Variants in RHBDD1 observed in about 807,000 individuals in gnomAD.
The protein encoded by RHBDD1 is rhomboid-related protein 4.
In RHBDD1, 38 loss-of-function variants were observed where a neutral mutation model predicts 36.3. The ratio of observed to expected loss-of-function variants is 1.05; its 90% CI spans 0.81 to 1.37. The LOEUF is 1.37. Ranked by LOEUF, RHBDD1 falls within the 40% of genes most tolerant of loss-of-function variation. The pLI, the probability that RHBDD1 is intolerant of heterozygous loss-of-function variation, is 0.00. For synonymous variants in RHBDD1, 151 were observed against 136.5 expected, an observed-to-expected ratio of 1.11 and a Z score of -0.74; for missense variants, 393 against 377.6, an observed-to-expected ratio of 1.04 and a Z score of -0.34.
At chr2:226,994,750 GCTTT>G (rs1184146354) in intron 8 of RHBDD1, among the ~76,000 whole-genome samples, 4 of 152,130 alleles carry the variant, frequency 2.6e-5, no homozygotes, top group Non-Finnish European at 5.9e-5. Context: ...CTGGGAGAAT[GCTTT>G]CTTATGTAGT....
intron 7 of RHBDD1, among the ~76,000 whole-genome samples, chr2:226,909,134 A>G (rs1223928354): frequency 6.6e-6 from 1 of 152,096 alleles, no homozygotes; most frequent in Non-Finnish European, 1.5e-5. Context: ...GAGGTCTCTC[A>G]TGTGTGATAA....
Position 226,867,605 on chromosome 2 carries a change from G to A in RHBDD1, c.566+287G>A, listed in dbSNP as rs919087875. On this transcript the variant is annotated intron_variant, in intron 5 of 8. Transcript: ENST00000392062. ...CTGATCTGAGGATCAATATTAACCA[G>A]CCAATCAGCTGGTTAATTCTGAAAG... 1.0e-5 allele frequency: 10 copies of A among 985,062 alleles called. No homozygotes were observed. The African/African-American group carries it at 1.6e-4, about 16-fold the overall frequency. The allele number at this position is 985,062 out of a possible 1,614,324, so 61.0% of individuals were successfully genotyped here. A position where few individuals can be genotyped will look rare whatever the true frequency, so the allele number is the denominator to read the frequency against.
At chr2:226,882,848 C>G (rs1224495946) in intron 5 of RHBDD1, among the ~76,000 whole-genome samples, 1 of 152,100 alleles carries the variant, frequency 6.6e-6, no homozygotes, top group African/African-American at 2.4e-5. Flanking sequence ...ATCAGGTTGC[C>G]ATCATGGTTG....
At chr2:226,841,711 G>A (rs969216765) in intron 3 of RHBDD1, among the ~76,000 whole-genome samples, 4 of 152,118 alleles carry the variant, frequency 2.6e-5, no homozygotes, top group Non-Finnish European at 4.4e-5. Flanking sequence ...GGGCATTTAG[G>A]TCAATTCCAT....
At chr2:226,962,919 T>C (rs1230843466) in intron 8 of RHBDD1, among the ~76,000 whole-genome samples, 9 of 152,194 alleles carry the variant, frequency 5.9e-5, no homozygotes, top group Non-Finnish European at 5.9e-5. Context: ...CTTTTTCAAG[T>C]GCTTTTGTTC....
intron 8 of RHBDD1, chr2:226,935,108 A>C (rs1455269406): frequency 6.6e-6 from 1 of 152,124 alleles, no homozygotes; most frequent in Non-Finnish European, 1.5e-5. Flanking sequence ...TGCACTACAC[A>C]GTTGAGGTTG....
rs140105330 is a variant in RHBDD1 at position 226,865,609 on chromosome 2, G to A, written c.433+483G>A. ...GGAAAACAGGAGCCTAGGATTCATC[G>A]TGAGCCCATCTTCAAGGCTCAAAAA... On this transcript the variant is annotated intron_variant, in intron 4 of 8. Transcript: ENST00000392062. Among the ~76,000 whole-genome samples, 58 of 152,272 alleles carry A rather than the reference G, an allele frequency of 3.8e-4. No individual in the cohort carries two copies. The East Asian group carries it at 8.5e-3, about 22-fold the overall frequency.
At chr2:226,858,060 C>G (rs545670490) in intron 3 of RHBDD1, among the ~76,000 whole-genome samples, 1 of 152,080 alleles carries the variant, frequency 6.6e-6, no homozygotes, top group Admixed American at 6.6e-5. Flanking sequence ...TTTTCACACA[C>G]AAAAAATTAC....
the RHBDD1 span, among the ~76,000 whole-genome samples, chr2:226,802,495 T>A: frequency 1.3e-5 from 2 of 152,236 alleles, no homozygotes; most frequent in Non-Finnish European, 2.9e-5. Flanking sequence ...ATTTGGTTCA[T>A]GTAATATATA....
chr2:226,835,411 A>G (rs997786205), upstream of RHBDD1, among the ~76,000 whole-genome samples: 1 of 152,254 alleles, frequency 6.6e-6, no homozygotes, highest in African/African-American at 2.4e-5. Context: ...TGCGTGGTGC[A>G]GTCCCAGACC....
chr2:226,881,376 G>A (rs1945718752), intron 5 of RHBDD1, among the ~76,000 whole-genome samples: 1 of 152,204 alleles, frequency 6.6e-6, no homozygotes. Context: ...GTATGCAACT[G>A]TATTTTCAAT....
intron 1 of RHBDD1, 85 bp downstream of exon 1, chr2:226,836,172 G>C (rs776664598): frequency 2.0e-5 from 3 of 153,478 alleles, no homozygotes; most frequent in Non-Finnish European, 2.9e-5. Flanking sequence ...GCGGGAGCTG[G>C]CGGCCGGGCT....
At chr2:226,855,658 T>C (rs540309481) in intron 3 of RHBDD1, among the ~76,000 whole-genome samples, 1 of 152,336 alleles carries the variant, frequency 6.6e-6, no homozygotes, top group African/African-American at 2.4e-5. Context: ...AGAACCATTG[T>C]ATTAAAGGTC....
chr2:226,899,394 A>T (rs982579023), intron 5 of RHBDD1, among the ~76,000 whole-genome samples: 3 of 151,854 alleles, frequency 2.0e-5, no homozygotes, highest in African/African-American at 7.3e-5. Context: ...TTTTATTAAA[A>T]TTTTTTTCTG....
chr2:226,991,111 T>C (rs551854685), intron 8 of RHBDD1, among the ~76,000 whole-genome samples: 1 of 152,374 alleles, frequency 6.6e-6, no homozygotes, highest in African/African-American at 2.4e-5. Flanking sequence ...CAACACTTTG[T>C]ACAAAACACT....
the RHBDD1 span, among the ~76,000 whole-genome samples, chr2:226,827,545 T>C: frequency 1.3e-5 from 2 of 152,236 alleles, no homozygotes; most frequent in African/African-American, 4.8e-5. Flanking sequence ...GTTTTGTTTT[T>C]GTTTGGCCTG....
chr2:226,814,562 T>C, the RHBDD1 span, among the ~76,000 whole-genome samples: 1 of 152,124 alleles, frequency 6.6e-6, no homozygotes, highest in South Asian at 2.1e-4. Context: ...GGAGTCTGTT[T>C]CAATAGACCA....
chr2:226,907,149 G>T (rs115463727), intron 6 of RHBDD1: 13 of 508,730 alleles, frequency 2.6e-5, no homozygotes, highest in Non-Finnish European at 4.3e-5. Flanking sequence ...AATGCTACCC[G>T]CAGAAAACCA....
the RHBDD1 span, among the ~76,000 whole-genome samples, chr2:226,812,154 G>A: frequency 1.3e-5 from 2 of 152,244 alleles, no homozygotes; most frequent in Non-Finnish European, 2.9e-5. Flanking sequence ...TTGAGAAGGG[G>A]AATTCTAGGC....
Sources: allele counts gnomAD v4.1 joint callset (sites outside exome capture counted in the v4.1 genomes callset), GRCh38; gene constraint gnomAD v4.1.1; transcripts MANE v1.5; gene names NCBI Gene and HGNC (gene_info 2026-07-23, HGNC 2026-07-21).